The following REL variants were observed in gnomAD, a reference collection of about 807,000 sequenced individuals.
REL encodes the protein proto-oncogene c-Rel.
In REL, 15 loss-of-function variants were observed where a neutral mutation model predicts 45.9. The observed-to-expected ratio is 0.33, with a 90% CI of 0.22 to 0.50. REL has a LOEUF of 0.50. Ranked by LOEUF, REL falls within the 20% of genes least tolerant of loss-of-function variation. The pLI is 0.98. For synonymous variants in REL, 239 were observed against 242.1 expected (o/e 0.99, Z 0.12); for missense variants, 601 against 715.2 (o/e 0.84, Z 1.82).
chr2:60,922,668 T>A lies in REL; in HGVS notation c.*133T>A. 7.6e-7 allele frequency: 1 copy of A among 1,314,008 alleles called. No individual in the cohort carries two copies. Among genetic ancestry groups the A allele is most frequent in the Non-Finnish European group, 9.7e-7 (1 of 1,032,936 alleles). 81.4% of individuals were successfully genotyped at this position (1,314,008 alleles called of 1,614,324 possible). On this transcript the variant is annotated 3_prime_UTR_variant, in exon 10 of 10. Coordinates refer to ENST00000394479, the MANE Select transcript of REL (RefSeq NM_001291746.2). ...ACTGACTGAGAATATAATACTGTAT[T>A]TGAGAATATAAAAAACTTTTTTCAG...
At chr2:60,883,104 G>T (rs1427195953) in intron 1 of REL, among the ~76,000 whole-genome samples, 2 of 152,110 alleles carry the variant, frequency 1.3e-5, no homozygotes, top group African/African-American at 4.8e-5. Context: ...GAAGCAGCGT[G>T]AGCAAAGGCA....
chr2:60,907,713 C>T (rs1476672469), intron 4 of REL, among the ~76,000 whole-genome samples: 7 of 148,240 alleles, frequency 4.7e-5, no homozygotes, highest in African/African-American at 1.7e-4. Context: ...TTTTTTTTTA[C>T]GGAGTCTCGC....
At chr2:60,894,600 G>T in intron 3 of REL, 55 bp downstream of exon 3, 1 of 1,325,346 alleles carries the variant, frequency 7.5e-7, no homozygotes, top group Non-Finnish European at 1.0e-6. Flanking sequence ...AGGATGTTCT[G>T]TTTCTTCTCC....
intron 1 of REL, among the ~76,000 whole-genome samples, chr2:60,883,085 C>T (rs1021855641): frequency 1.3e-5 from 2 of 151,978 alleles, no homozygotes. Context: ...GGACACTTTC[C>T]AGACAGAGGA....
chr2:60,894,501 C>T lies in REL; in HGVS notation c.258C>T (p.Asp86=), dbSNP rs369870559. The T allele has an allele frequency of 5.6e-6, 9 of 1,604,570 alleles. No individual in the cohort carries two copies. The highest frequency in any genetic ancestry group is 4.5e-5 in the East Asian group (2 of 44,364). The stretch of plus-strand genomic sequence containing the variant: ...ATTTAGTTGGAAAAGACTGCAGAGA[C>T]GGCTACTATGAAGCAGAATTTGGAC... ...PHDLVGKDCR[D]GYYEAEFGQE... is the part of the protein sequence containing the mutation. The change falls in exon 3 of 10, where the codon GAC becomes GAT. Residue 86 remains aspartate, a synonymous_variant. Coordinates refer to ENST00000394479, the MANE Select transcript of REL (RefSeq NM_001291746.2).
chr2:60,893,688 T>C (rs1673279265), intron 2 of REL, among the ~76,000 whole-genome samples: 1 of 152,210 alleles, frequency 6.6e-6, no homozygotes, highest in Non-Finnish European at 1.5e-5. Context: ...TAGTGCCCTC[T>C]ACCTTGTAAG....
At chr2:60,890,065 A>G (rs890512325) in intron 1 of REL, among the ~76,000 whole-genome samples, 19 of 152,224 alleles carry the variant, frequency 1.2e-4, no homozygotes, top group African/African-American at 4.6e-4. Flanking sequence ...AGTCCCACCA[A>G]CTGTGTAAAA....
chr2:60,885,031 T>C (rs910180536), intron 1 of REL, among the ~76,000 whole-genome samples: 2 of 152,036 alleles, frequency 1.3e-5, no homozygotes, highest in Admixed American at 1.3e-4. Context: ...GAAATAACAA[T>C]GGAGTTAAAT....
chr2:60,920,099 C>T lies in REL; in HGVS notation c.912C>T (p.Cys304=). The T allele has an allele frequency of 6.2e-7, 1 of 1,607,618 alleles. No homozygotes were observed. The highest frequency in any genetic ancestry group is 8.5e-7 in the Non-Finnish European group (1 of 1,174,934). The part of the protein sequence containing the change: ...QKTTLLFQKL[C]QDHVNFPERP... ...CAACTCTGCTTTTCCAGAAACTGTG[C>T]CAGGATCACGGTAAGAATAGTTTGG... Residue 304 remains cysteine, a synonymous_variant, in exon 8 of 10, where the codon TGC becomes TGT. Transcript: ENST00000394479.
In REL at chr2:60,928,423, A is replaced by G. The variant is rs1475878398; in HGVS notation, c.*5888A>G. ...GCATCACACTACCTGACTTCAAACT[A>G]TACTACAAGGCTACAGTAACCAAAA... On this transcript the variant is annotated 3_prime_UTR_variant, in exon 10 of 10. Transcript: ENST00000394479. The G allele has an allele frequency of 6.6e-6, 1 of 151,644 alleles. No homozygotes were observed. The highest frequency in any genetic ancestry group is 1.5e-5 in the Non-Finnish European group (1 of 67,806). 9.4% of individuals were successfully genotyped at this position (151,644 alleles called of 1,614,324 possible).
intron 5 of REL, 93 bp from the exon 6 acceptor site, chr2:60,918,098 C>T (rs1674033205): frequency 1.4e-6 from 1 of 713,958 alleles, no homozygotes; most frequent in Non-Finnish European, 2.4e-6. Flanking sequence ...AACTTTTATT[C>T]TGTGAATGCT....
intron 1 of REL, among the ~76,000 whole-genome samples, chr2:60,888,896 A>G (rs1227007302): frequency 2.0e-5 from 3 of 152,288 alleles, no homozygotes; most frequent in East Asian, 1.9e-4. Context: ...TCACTGCCAT[A>G]TATCAGAGAT....
intron 4 of REL, among the ~76,000 whole-genome samples, chr2:60,904,955 T>C (rs1345685968): frequency 6.6e-6 from 1 of 152,160 alleles, no homozygotes; most frequent in East Asian, 1.9e-4. Context: ...AGCTAGGATT[T>C]GAACATAGGG....
chr2:60,882,678 T>A (rs1672974650), intron 1 of REL, among the ~76,000 whole-genome samples: 2 of 150,834 alleles, frequency 1.3e-5, no homozygotes, highest in Non-Finnish European at 1.5e-5. Context: ...CTGTCTCTAT[T>A]TAAAAAAAAA....
chr2:60,915,547 A>G (rs1673941144), intron 4 of REL, among the ~76,000 whole-genome samples: 2 of 152,260 alleles, frequency 1.3e-5, no homozygotes, highest in South Asian at 4.1e-4. Flanking sequence ...TCTCAATGTC[A>G]TTAAATAAAA....
chr2:60,888,075 C>T (rs1336319234), intron 1 of REL, among the ~76,000 whole-genome samples: 1 of 151,794 alleles, frequency 6.6e-6, no homozygotes, highest in East Asian at 1.9e-4. Flanking sequence ...TTACAGGTGC[C>T]TGCCACCACA....
Position 60,927,412 on chromosome 2 carries a change from G to A in REL, c.*4877G>A, listed in dbSNP as rs1185677747. ...ACGCACACATACCACAGCCCTTTGA[G>A]ACTGAAAGCAGCTCTATTGAGAATA... On this transcript the variant is annotated 3_prime_UTR_variant, in exon 10 of 10. Transcript: ENST00000394479. The A allele has an allele frequency of 4.3e-6, 1 of 231,456 alleles. No homozygotes were observed. Among genetic ancestry groups the A allele is most frequent in the Non-Finnish European group, 8.6e-6 (1 of 116,942 alleles). 14.3% of individuals were successfully genotyped at this position (231,456 alleles called of 1,614,324 possible). A position where few individuals can be genotyped will look rare whatever the true frequency, so the allele number is the denominator to read the frequency against.
chr2:60,905,869 G>A lies in REL; in HGVS notation c.394+4786G>A, dbSNP rs78703347. Among the ~76,000 whole-genome samples, 500 of 152,288 alleles carry A rather than the reference G, an allele frequency of 3.3e-3. 6 individuals are homozygous for A. The highest frequency in any genetic ancestry group is 0.012 in the African/African-American group (479 of 41,556). The stretch of plus-strand genomic sequence containing the variant: ...TGACCCACAGTAAGAAATAGATTTT[G>A]TTTTTGAGTTCAATATATATACATA... On this transcript the variant is annotated intron_variant, in intron 4 of 9. Coordinates refer to ENST00000394479, the MANE Select transcript of REL (RefSeq NM_001291746.2).
intron 4 of REL, among the ~76,000 whole-genome samples, chr2:60,909,710 G>A (rs1383556657): frequency 2.0e-5 from 3 of 152,142 alleles, no homozygotes; most frequent in African/African-American, 4.8e-5. Context: ...AGACCATCCT[G>A]GCCAACATAA....
Sources: gnomAD v4.1 joint callset for allele counts (sites outside exome capture counted in the v4.1 genomes callset) on GRCh38, gnomAD v4.1.1 for gene constraint, MANE v1.5 for transcripts, NCBI Gene and HGNC (gene_info 2026-07-23, HGNC 2026-07-21) for gene names.